The following SH3BP2 variants were observed in gnomAD, a reference collection of about 807,000 sequenced individuals.
SH3BP2 encodes SH3 domain binding protein 2.
Under a neutral mutation model 56.2 loss-of-function variants are expected in SH3BP2, and 38 were observed. The ratio of observed to expected loss-of-function variants is 0.68; its 90% CI spans 0.52 to 0.89. The LOEUF (loss-of-function observed/expected upper bound fraction) is 0.89, where lower values mean the gene tolerates loss of function less well. Among genes scored for constraint, SH3BP2 ranks in the 40% least tolerant of loss-of-function variants. SH3BP2 has a pLI of 0.00. For synonymous variants in SH3BP2, 346 were observed against 316.7 expected, an observed-to-expected ratio of 1.09 and a Z score of -0.98; for missense variants, 748 against 762.6, an observed-to-expected ratio of 0.98 and a Z score of 0.23.
chr4:2,833,103 C>T, intron 12 of SH3BP2, 54 bp downstream of exon 12: 1 of 1,537,164 alleles, frequency 6.5e-7, no homozygotes, highest in Non-Finnish European at 9.0e-7. Context: ...TGGCAAGGGG[C>T]AGGGCAGAAT....
At chr4:2,833,584 C>G in intron 12 of SH3BP2, 113 bp from the exon 13 acceptor site, 1 of 1,408,662 alleles carries the variant, frequency 7.1e-7, no homozygotes, top group South Asian at 1.2e-5. Context: ...CAGGGGCCAG[C>G]CTGGTGATGC....
At chr4:2,818,180 C>A in intron 1 of SH3BP2, 1 of 984,754 alleles carries the variant, frequency 1.0e-6, no homozygotes, top group Non-Finnish European at 1.2e-6. Context: ...AGTCCCCCGC[C>A]GAGAGGGGAG....
Position 2,820,750 on chromosome 4 carries a change from A to C in SH3BP2, c.133A>C (p.Lys45Gln). 6.2e-7 allele frequency: 1 copy of C among 1,613,350 alleles called. No homozygotes were observed. Among genetic ancestry groups the C allele is most frequent in the South Asian group, 1.1e-5 (1 of 91,058 alleles). The change falls in exon 2 of 13, where the codon AAA becomes CAA. Residue 45 changes from lysine to glutamine, a missense_variant. Physicochemically the swap from Lys to Gln is moderately conservative, Grantham distance 53. Around this residue, in one of 3 missense-constraint regions of SH3BP2, gnomAD observed 104 missense variants for 123.1 expected, o/e 0.84. Transcript: ENST00000503393. ...GGGCGGTACCCAGCTGCAGCTGCTG[A>C]AATGTGAGTCCCTGGGGTGGTAGGG... is the stretch of plus-strand genomic sequence containing the variant. ...KKGGTQLQLL[K>Q]WPLRFVIIHK...
chr4:2,812,507 C>T (rs1376338343), intron 1 of SH3BP2: 36 of 1,542,812 alleles, frequency 2.3e-5, no homozygotes, highest in African/African-American at 1.2e-4. Context: ...GACTGGGGCT[C>T]GGGAGGCGGC....
At chr4:2,809,521 G>C (rs944327279) in intron 1 of SH3BP2, among the ~76,000 whole-genome samples, 2 of 152,070 alleles carry the variant, frequency 1.3e-5, no homozygotes, top group African/African-American at 4.8e-5. Flanking sequence ...GCTGGGTACA[G>C]GGTCCCTGGG....
intron 1 of SH3BP2, among the ~76,000 whole-genome samples, chr4:2,814,477 C>T (rs759120201): frequency 6.6e-6 from 1 of 151,888 alleles, no homozygotes; most frequent in African/African-American, 2.4e-5. Flanking sequence ...CCAGGTGCCC[C>T]GTCTTCCCTA....
chr4:2,800,111 G>A (rs1402287946), intron 1 of SH3BP2, among the ~76,000 whole-genome samples: 1 of 150,566 alleles, frequency 6.6e-6, no homozygotes, highest in Non-Finnish European at 1.5e-5. Context: ...GGTGGGAGTG[G>A]AGGAGGTGAC....
chr4:2,812,263 G>A lies in SH3BP2; in HGVS notation c.-4-8351G>A, dbSNP rs113229796. On this transcript the variant is annotated intron_variant, in intron 1 of 12. Coordinates refer to ENST00000503393, the MANE Select transcript of SH3BP2 (RefSeq NM_001122681.2). ...GCAGGGAACAGGAAGTCCCGGGTGG[G>A]GAGGAAGCACCGGCGGCCACAGGCC... 2,142 of 1,537,838 alleles carry A rather than the reference G, an allele frequency of 1.4e-3. 26 individuals are homozygous for A. The African/African-American group carries it at 0.026, about 18-fold the overall frequency.
intron 4 of SH3BP2, 171 bp downstream of exon 4, chr4:2,824,901 C>T: frequency 1.5e-6 from 1 of 672,594 alleles, no homozygotes; most frequent in Non-Finnish European, 2.6e-6. Context: ...GCCCCAGCTC[C>T]ATCCCCATGC....
chr4:2,794,602 CAGAT>C (rs1723002404), intron 1 of SH3BP2, among the ~76,000 whole-genome samples: 1 of 152,222 alleles, frequency 6.6e-6, no homozygotes, highest in Admixed American at 6.5e-5. Context: ...AGAAGGAAGA[CAGAT>C]AGGCAGCCGT....
chr4:2,802,404 A>ATGTGTGTGTGTGTGTGTGTG (rs1175501543), intron 1 of SH3BP2, among the ~76,000 whole-genome samples: 3 of 135,900 alleles, frequency 2.2e-5, no homozygotes, highest in Admixed American at 7.5e-5. Flanking sequence ...AAAAAAATAT[A>ATGTGTGTGTGTGTGTGTGTG]TGTGTGTGTG....
intron 5 of SH3BP2, among the ~76,000 whole-genome samples, chr4:2,825,681 T>C (rs919865822): frequency 6.6e-6 from 1 of 152,250 alleles, no homozygotes; most frequent in Admixed American, 6.5e-5. Flanking sequence ...TGTTTCTGTG[T>C]TGCCGCCATG....
At chr4:2,820,569 C>A (rs755083976) in intron 1 of SH3BP2, 45 bp from the exon 2 acceptor site, 1 of 1,613,582 alleles carries the variant, frequency 6.2e-7, no homozygotes, top group African/African-American at 1.3e-5. Flanking sequence ...CAGCCATCTC[C>A]TGCCTGACCG....
At chr4:2,825,787 A>G (rs1285716749) in intron 5 of SH3BP2, among the ~76,000 whole-genome samples, 1 of 151,998 alleles carries the variant, frequency 6.6e-6, no homozygotes, top group Non-Finnish European at 1.5e-5. Context: ...CCAGCCCCCT[A>G]CGCCCACCCT....
Position 2,838,806 on chromosome 4 carries a change from AGCAAC to A in SH3BP2, c.*4973_*4977del, listed in dbSNP as rs1175970574. 6.6e-6 allele frequency: 1 copy of A among 152,150 alleles called. No homozygotes were observed. Among genetic ancestry groups the A allele is most frequent in the East Asian group, 1.9e-4 (1 of 5,206 alleles). 9.4% of individuals were successfully genotyped at this position (152,150 alleles called of 1,614,324 possible). ...TGGGGTAACTACACACAATGCTGCT[AGCAAC>A]AGTTTTGTCCATGTCTCTGATGCAC... is the stretch of plus-strand genomic sequence containing the variant. On this transcript the variant is annotated 3_prime_UTR_variant, in exon 13 of 13. Transcript: ENST00000503393.
chr4:2,802,862 C>T (rs1365339790), intron 1 of SH3BP2, among the ~76,000 whole-genome samples: 2 of 152,190 alleles, frequency 1.3e-5, no homozygotes, highest in Admixed American at 1.3e-4. Context: ...GCCTGTGGCA[C>T]CCGCTGACAG....
At chr4:2,820,563 C>T (rs1724245327) in intron 1 of SH3BP2, 51 bp from the exon 2 acceptor site, 6 of 1,612,670 alleles carry the variant, frequency 3.7e-6, no homozygotes, top group Non-Finnish European at 5.1e-6. Context: ...CTGGCTCAGC[C>T]ATCTCCTGCC....
chr4:2,833,442 G>A (rs554565459), intron 12 of SH3BP2: 7 of 600,598 alleles, frequency 1.2e-5, no homozygotes, highest in African/African-American at 1.1e-4. Flanking sequence ...CCTGGCCTAG[G>A]TTCATTTCCT....
chr4:2,818,872 T>G, intron 1 of SH3BP2: 1 of 985,680 alleles, frequency 1.0e-6, no homozygotes. Flanking sequence ...GAAGACTTCC[T>G]CTTGCACTTT....
Sources: allele counts gnomAD v4.1 joint callset (sites outside exome capture counted in the v4.1 genomes callset), GRCh38; gene constraint gnomAD v4.1.1; regional missense constraint gnomAD v4.1.1; transcripts MANE v1.5; gene names NCBI Gene and HGNC (gene_info 2026-07-23, HGNC 2026-07-21).